The following SHISA9 variants were observed in gnomAD, a reference collection of about 807,000 sequenced individuals.
SHISA9 encodes shisa family member 9.
In SHISA9, 13 loss-of-function variants were observed where a neutral mutation model predicts 38.0. That is an observed-to-expected ratio of 0.34 (90% CI 0.22 to 0.54). SHISA9 has a LOEUF of 0.54. SHISA9 is among the 20% of genes least tolerant of loss of function. SHISA9 has a pLI of 0.91. For missense variants in SHISA9, 538 were observed against 575.8 expected (o/e 0.93, Z 0.67); for synonymous variants, 275 against 242.0 (o/e 1.14, Z -1.27).
At chr16:13,247,742 A>T in the SHISA9 span, among the ~76,000 whole-genome samples, 1 of 152,244 alleles carries the variant, frequency 6.6e-6, no homozygotes, top group Admixed American at 6.5e-5. Context: ...GTTGCTAGAA[A>T]TAATTTTGTC....
At chr16:13,023,866 C>T (rs1020555622) in intron 2 of SHISA9, among the ~76,000 whole-genome samples, 5 of 152,132 alleles carry the variant, frequency 3.3e-5, no homozygotes, top group Admixed American at 1.3e-4. Context: ...GAGGTTAGGA[C>T]ATGGTCATAT....
intron 2 of SHISA9, among the ~76,000 whole-genome samples, chr16:13,019,908 TTTCTTTCTTTCTTTCTTTCTTTC>T (rs2072820638): frequency 3.1e-5 from 2 of 65,306 alleles, no homozygotes; most frequent in African/African-American, 9.5e-5. Context: ...TCTTTCTTTC[TTTCTTTCTTTCTTTCTTTCTTTC>T]TTTCTTTCTT....
chr16:13,359,776 G>C, the SHISA9 span, among the ~76,000 whole-genome samples: 2 of 152,180 alleles, frequency 1.3e-5, no homozygotes, highest in Non-Finnish European at 2.9e-5. Flanking sequence ...GTGTGAAGCA[G>C]GTTCACTGTG....
chr16:13,148,540 CCA>C (rs2050468401), intron 2 of SHISA9, among the ~76,000 whole-genome samples: 1 of 152,134 alleles, frequency 6.6e-6, no homozygotes, highest in Non-Finnish European at 1.5e-5. Flanking sequence ...CCAAAGCAAA[CCA>C]CAGTCCACAT....
At chr16:13,119,983 A>G (rs1049712995) in intron 2 of SHISA9, among the ~76,000 whole-genome samples, 1 of 152,108 alleles carries the variant, frequency 6.6e-6, no homozygotes, top group African/African-American at 2.4e-5. Flanking sequence ...TCCAGAAAGA[A>G]TGGGAACATG....
the SHISA9 span, among the ~76,000 whole-genome samples, chr16:13,375,423 T>A: frequency 6.6e-6 from 1 of 152,168 alleles, no homozygotes; most frequent in South Asian, 2.1e-4. Flanking sequence ...ATTTATTAAA[T>A]AGGGAATCCT....
chr16:13,406,090 C>T, the SHISA9 span, among the ~76,000 whole-genome samples: 2 of 152,186 alleles, frequency 1.3e-5, no homozygotes, highest in African/African-American at 4.8e-5. Context: ...TTTGCAAACT[C>T]TGCATCCAAC....
intron 2 of SHISA9, among the ~76,000 whole-genome samples, chr16:12,919,735 G>A (rs1362843307): frequency 6.6e-6 from 1 of 152,166 alleles, no homozygotes; most frequent in African/African-American, 2.4e-5. Context: ...TATTGGACTT[G>A]CCTTTTTATC....
the SHISA9 span, among the ~76,000 whole-genome samples, chr16:13,292,381 T>G: frequency 6.6e-6 from 1 of 152,130 alleles, no homozygotes; most frequent in Non-Finnish European, 1.5e-5. Context: ...GTTTCTCTCT[T>G]TATTCCTACC....
At chr16:13,017,402 A>C (rs948963979) in intron 2 of SHISA9, among the ~76,000 whole-genome samples, 1 of 152,218 alleles carries the variant, frequency 6.6e-6, no homozygotes, top group Non-Finnish European at 1.5e-5. Flanking sequence ...TCAGCCTTCC[A>C]TGTTGGAATC....
At chr16:13,348,762 T>C in the SHISA9 span, among the ~76,000 whole-genome samples, 1 of 151,822 alleles carries the variant, frequency 6.6e-6, no homozygotes, top group African/African-American at 2.4e-5. Flanking sequence ...ATCATGGAGG[T>C]CCGATCTGCA....
the SHISA9 span, among the ~76,000 whole-genome samples, chr16:13,428,430 A>G: frequency 2.0e-5 from 3 of 152,208 alleles, no homozygotes; most frequent in African/African-American, 7.2e-5. Flanking sequence ...ACATTGACCA[A>G]GAGCTCAAAA....
intron 2 of SHISA9, among the ~76,000 whole-genome samples, chr16:13,051,348 G>A (rs2073248704): frequency 6.6e-6 from 1 of 152,156 alleles, no homozygotes; most frequent in African/African-American, 2.4e-5. Flanking sequence ...ACAGTATGGG[G>A]GAAACCACCC....
At chr16:13,215,858 G>A (rs1479165900) in intron 4 of SHISA9, among the ~76,000 whole-genome samples, 1 of 152,108 alleles carries the variant, frequency 6.6e-6, no homozygotes, top group East Asian at 1.9e-4. Flanking sequence ...GAGTTTGTGT[G>A]CCCCCACCTT....
chr16:13,259,576 T>G, the SHISA9 span, among the ~76,000 whole-genome samples: 114 of 152,238 alleles, frequency 7.5e-4, no homozygotes, highest in Non-Finnish European at 1.5e-3. Context: ...CTTTTACCTA[T>G]GCATCCAAGA....
the SHISA9 span, among the ~76,000 whole-genome samples, chr16:13,469,418 A>AAAGAAAGAAAGG: frequency 1.8e-5 from 2 of 113,156 alleles, no homozygotes; most frequent in Admixed American, 1.6e-4. Context: ...AGAAAGAAAG[A>AAAGAAAGAAAGG]AAGAAAAAGA....
At chr16:13,092,246 G>A (rs2073782437) in intron 2 of SHISA9, among the ~76,000 whole-genome samples, 1 of 152,220 alleles carries the variant, frequency 6.6e-6, no homozygotes, top group Non-Finnish European at 1.5e-5. Flanking sequence ...GCCCCTGCTG[G>A]GAGGTGTCTC....
chr16:13,147,398 G>A (rs1024621017), intron 2 of SHISA9, among the ~76,000 whole-genome samples: 8 of 151,612 alleles, frequency 5.3e-5, no homozygotes, highest in Non-Finnish European at 1.0e-4. Context: ...TTAAGGCTAG[G>A]GATTTTTTTT....
At chr16:13,211,564 CTCT>C (rs1365626305) in intron 3 of SHISA9, among the ~76,000 whole-genome samples, 3 of 152,168 alleles carry the variant, frequency 2.0e-5, no homozygotes, top group Non-Finnish European at 4.4e-5. Context: ...GGTCTACTTC[CTCT>C]TCATGAGCAT....
Sources: gnomAD v4.1 joint callset for allele counts (sites outside exome capture counted in the v4.1 genomes callset) on GRCh38, gnomAD v4.1.1 for gene constraint, MANE v1.5 for transcripts, NCBI Gene and HGNC (gene_info 2026-07-23, HGNC 2026-07-21) for gene names.